The following MEGF11 variants were observed in gnomAD, a reference collection of about 807,000 sequenced individuals.
MEGF11 encodes multiple epidermal growth factor-like domains protein 11.
MEGF11 carries 126 observed loss-of-function variants against 146.6 expected under a neutral mutation model. That is an observed-to-expected ratio of 0.86 (90% CI 0.74 to 1.00). The LOEUF is 1.00. Ranked by LOEUF, MEGF11 falls within the 50% of genes least tolerant of loss-of-function variation. The pLI is 0.00. For missense variants in MEGF11, 1,509 were observed against 1,521.2 expected, an observed-to-expected ratio of 0.99 and a Z score of 0.13; for synonymous variants, 532 against 583.4, an observed-to-expected ratio of 0.91 and a Z score of 1.27.
At chr15:65,900,791 G>A (rs2078476695) in intron 24 of MEGF11, among the ~76,000 whole-genome samples, 1 of 152,182 alleles carries the variant, frequency 6.6e-6, no homozygotes, top group Non-Finnish European at 1.5e-5. Context: ...ATTGGCTTTA[G>A]TCACGTCTTA....
At chr15:66,145,671 G>A (rs1368117238) in intron 1 of MEGF11, among the ~76,000 whole-genome samples, 1 of 152,198 alleles carries the variant, frequency 6.6e-6, no homozygotes, top group Non-Finnish European at 1.5e-5. Context: ...ATGGGGATGA[G>A]CACACACACT....
At chr15:66,231,711 T>A (rs2126701) in intron 1 of MEGF11, among the ~76,000 whole-genome samples, 69,949 of 152,050 alleles carry the variant, frequency 0.46, 17,047 homozygotes, top group East Asian at 0.69. Flanking sequence ...TTTGGGCAGC[T>A]ATAGTGATGC....
intron 1 of MEGF11, among the ~76,000 whole-genome samples, chr15:66,239,128 T>C (rs1273263148): frequency 6.6e-6 from 1 of 152,194 alleles, no homozygotes; most frequent in African/African-American, 2.4e-5. Flanking sequence ...CACTTCAGAA[T>C]GATCTCACCT....
At chr15:66,156,598 G>C (rs1026422163) in intron 1 of MEGF11, among the ~76,000 whole-genome samples, 1 of 151,968 alleles carries the variant, frequency 6.6e-6, no homozygotes, top group African/African-American at 2.4e-5. Flanking sequence ...CCTGAGTCAA[G>C]ACTCCTGCCA....
chr15:66,033,094 A>G lies in MEGF11; in HGVS notation c.395-50606T>C, dbSNP rs1441440952. On this transcript the variant is annotated intron_variant, in intron 5 of 25. Coordinates refer to ENST00000395614, the MANE Select transcript of MEGF11 (RefSeq NM_001385028.1). ...AGACTCCATCAAAAAAAAAAAAAAA[A>G]AAAAAAAAAAAGAAGCAGAGAAGAA... Among the ~76,000 whole-genome samples, 4 of 151,598 alleles carry G rather than the reference A, an allele frequency of 2.6e-5. No homozygotes were observed. In the East Asian group the frequency reaches 7.7e-4, roughly 29 times the overall value.
chr15:66,173,439 C>G (rs1334642528), intron 1 of MEGF11, among the ~76,000 whole-genome samples: 1 of 152,136 alleles, frequency 6.6e-6, no homozygotes, highest in Non-Finnish European at 1.5e-5. Context: ...CCTCAGCCTC[C>G]TGAATAGCTG....
intron 5 of MEGF11, among the ~76,000 whole-genome samples, chr15:66,013,643 C>G (rs1283276773): frequency 6.6e-6 from 1 of 152,156 alleles, no homozygotes; most frequent in East Asian, 1.9e-4. Context: ...CTGTCTTACT[C>G]CAACACCCAT....
chr15:66,209,576 A>T (rs2091392141), intron 1 of MEGF11, among the ~76,000 whole-genome samples: 1 of 152,244 alleles, frequency 6.6e-6, no homozygotes. Context: ...AATACTATTC[A>T]ACAATAAAAG....
At chr15:66,007,682 G>A (rs576015204) in intron 5 of MEGF11, among the ~76,000 whole-genome samples, 2 of 152,328 alleles carry the variant, frequency 1.3e-5, no homozygotes, top group East Asian at 3.9e-4. Context: ...GAGTCTGGAG[G>A]CAGAAGCTGC....
chr15:65,979,704 A>G (rs11854757), intron 7 of MEGF11, among the ~76,000 whole-genome samples: 29,888 of 152,144 alleles, frequency 0.2, 4,212 homozygotes, highest in East Asian at 0.61. Flanking sequence ...TGTGGCACCC[A>G]GGGATAGAAA....
At chr15:66,247,968 G>C (rs1227288584) in intron 1 of MEGF11, among the ~76,000 whole-genome samples, 1 of 148,470 alleles carries the variant, frequency 6.7e-6, no homozygotes, top group Non-Finnish European at 1.5e-5. Flanking sequence ...GGCAACAAAA[G>C]TGAAACTCCG....
At chr15:66,102,144 T>G (rs1283437319) in intron 4 of MEGF11, among the ~76,000 whole-genome samples, 1 of 88,942 alleles carries the variant, frequency 1.1e-5, no homozygotes, top group Non-Finnish European at 2.5e-5. Context: ...AATCGATGCT[T>G]CGGGCCCCAG....
chr15:66,178,159 A>T (rs1403219908), intron 1 of MEGF11, among the ~76,000 whole-genome samples: 2 of 151,128 alleles, frequency 1.3e-5, no homozygotes, highest in Non-Finnish European at 2.9e-5. Flanking sequence ...CTAATTTTTA[A>T]TTTTTTGTAG....
At chr15:66,224,342 AG>A (rs1449384693) in intron 1 of MEGF11, among the ~76,000 whole-genome samples, 3 of 152,260 alleles carry the variant, frequency 2.0e-5, no homozygotes, top group East Asian at 3.9e-4. Flanking sequence ...TGGGAGGCCA[AG>A]GCAGGTGGAT....
At chr15:65,935,268 C>T (rs573821860) in intron 10 of MEGF11, among the ~76,000 whole-genome samples, 3 of 133,024 alleles carry the variant, frequency 2.3e-5, no homozygotes, top group Non-Finnish European at 4.6e-5. Flanking sequence ...TGCAGTGAGC[C>T]GAGGTCACAC....
chr15:66,083,911 A>T (rs926348403), intron 5 of MEGF11, among the ~76,000 whole-genome samples: 1 of 152,218 alleles, frequency 6.6e-6, no homozygotes, highest in African/African-American at 2.4e-5. Flanking sequence ...GTGAGTTCTT[A>T]TCTCTAAAAA....
intron 5 of MEGF11, among the ~76,000 whole-genome samples, chr15:66,037,934 T>C (rs1195623846): frequency 6.6e-6 from 1 of 152,234 alleles, no homozygotes; most frequent in African/African-American, 2.4e-5. Context: ...GGCCACATGA[T>C]ACCTGGAGGT....
At chr15:66,082,343 T>C (rs191949819) in intron 5 of MEGF11, among the ~76,000 whole-genome samples, 2 of 140,924 alleles carry the variant, frequency 1.4e-5, no homozygotes, top group East Asian at 4.4e-4. Flanking sequence ...ATTGCAACAC[T>C]TGGGAGGCCT....
At chr15:66,153,347 A>C (rs577342733) in intron 1 of MEGF11, among the ~76,000 whole-genome samples, 1 of 152,084 alleles carries the variant, frequency 6.6e-6, no homozygotes, top group South Asian at 2.1e-4. Context: ...GGCCGAGGTG[A>C]GAGGATCACG....
Sources: allele counts gnomAD v4.1 joint callset (sites outside exome capture counted in the v4.1 genomes callset), GRCh38; gene constraint gnomAD v4.1.1; transcripts MANE v1.5; gene names NCBI Gene and HGNC (gene_info 2026-07-23, HGNC 2026-07-21).